PDE4D: variants seen among roughly 807,000 people sequenced by gnomAD.
PDE4D encodes the protein phosphodiesterase 4D.
In PDE4D, 24 loss-of-function variants were observed where a neutral mutation model predicts 87.4. The ratio of observed to expected loss-of-function variants is 0.27; its 90% CI spans 0.20 to 0.39. The LOEUF (loss-of-function observed/expected upper bound fraction) is 0.39, where lower values mean the gene tolerates loss of function less well. Among genes scored for constraint, PDE4D ranks in the 10% least tolerant of loss-of-function variants. The probability of loss-of-function intolerance (pLI) is 1.00; values close to 1 mark genes in which losing one functional copy is unlikely to be tolerated. For missense variants in PDE4D, 714 were observed against 1,041.0 expected (o/e 0.69, Z 4.32); for synonymous variants, 384 against 383.2 (o/e 1.00, Z -0.02).
At chr5:60,201,517 GAATTATTTACCT>G (rs1391762352) in intron 1 of PDE4D, among the ~76,000 whole-genome samples, 3 of 152,158 alleles carry the variant, frequency 2.0e-5, no homozygotes, top group African/African-American at 7.2e-5. Context: ...GTTCCGATCT[GAATTATTTACCT>G]AATTATTTAT....
At chr5:60,057,741 G>C (rs1196948780) in intron 2 of PDE4D, among the ~76,000 whole-genome samples, 2 of 151,910 alleles carry the variant, frequency 1.3e-5, no homozygotes, top group African/African-American at 2.4e-5. Flanking sequence ...TGTTAATGTA[G>C]AGTATATTGA....
chr5:59,313,772 A>T (rs1471103350), intron 1 of PDE4D, among the ~76,000 whole-genome samples: 1 of 152,178 alleles, frequency 6.6e-6, no homozygotes, highest in Non-Finnish European at 1.5e-5. Context: ...GTACCCACCC[A>T]GGTCCTTATT....
chr5:59,987,065 A>G (rs951166498), intron 3 of PDE4D: 4 of 152,188 alleles, frequency 2.6e-5, no homozygotes, highest in Admixed American at 2.6e-4. Flanking sequence ...TTGCTATAAC[A>G]CATCAGAGCC....
intron 1 of PDE4D, among the ~76,000 whole-genome samples, chr5:60,476,026 T>G (rs946420360): frequency 5.3e-5 from 8 of 152,120 alleles, no homozygotes; most frequent in Non-Finnish European, 5.9e-5. Flanking sequence ...AATAATCCTG[T>G]CAGCATGTTC....
rs186254668 is a variant in PDE4D, at chr5:59,820,323, G to A, written c.455+72845C>T. Among the ~76,000 whole-genome samples the A allele has an allele frequency of 5.9e-5, 9 of 152,324 alleles. No homozygotes were observed. The East Asian group carries it at 1.7e-3, about 29-fold the overall frequency. On this transcript the variant is annotated intron_variant, in intron 1 of 14. Coordinates refer to ENST00000340635, the MANE Select transcript of PDE4D (RefSeq NM_001104631.2). ...CTAAGGGCTACTCTGCAAGGTGCGT[G>A]AACACACTCTCCTCAGGCTATCCCC... is the stretch of plus-strand genomic sequence containing the variant.
chr5:59,349,222 C>G (rs1382727910), intron 1 of PDE4D, among the ~76,000 whole-genome samples: 1 of 152,242 alleles, frequency 6.6e-6, no homozygotes, highest in East Asian at 1.9e-4. Flanking sequence ...TCAGACACCT[C>G]TCTTCAGACC....
At chr5:59,775,316 A>T (rs1268883670) in intron 1 of PDE4D, among the ~76,000 whole-genome samples, 2 of 152,172 alleles carry the variant, frequency 1.3e-5, no homozygotes, top group Non-Finnish European at 2.9e-5. Flanking sequence ...CAAAAATCCC[A>T]TATCTCAATC....
intron 3 of PDE4D, among the ~76,000 whole-genome samples, chr5:59,943,132 T>C (rs1375663446): frequency 1.3e-5 from 2 of 152,040 alleles, no homozygotes; most frequent in African/African-American, 4.8e-5. Context: ...TCATGGAAAG[T>C]ATCTAGTTGA....
At chr5:59,983,580 A>G (rs1762130779) in intron 3 of PDE4D, among the ~76,000 whole-genome samples, 1 of 152,190 alleles carries the variant, frequency 6.6e-6, no homozygotes, top group Admixed American at 6.5e-5. Context: ...AAGATATCCA[A>G]ATGTTCAATA....
intron 3 of PDE4D, among the ~76,000 whole-genome samples, chr5:59,913,807 T>C (rs1753700615): frequency 6.6e-6 from 1 of 152,080 alleles, no homozygotes; most frequent in African/African-American, 2.4e-5. Context: ...AAACATGAAA[T>C]ATCAATGCTA....
intron 2 of PDE4D, chr5:59,215,447 C>T (rs1356834239): frequency 3.5e-6 from 1 of 284,310 alleles, no homozygotes; most frequent in Non-Finnish European, 6.6e-6. Context: ...GTAGCTAAAA[C>T]TCAGGCTCTA....
chr5:60,459,295 G>A (rs776475414), intron 1 of PDE4D, among the ~76,000 whole-genome samples: 1 of 152,112 alleles, frequency 6.6e-6, no homozygotes, highest in Non-Finnish European at 1.5e-5. Context: ...ACATGCCAAA[G>A]GAGAAGCCAT....
chr5:59,256,495 A>T (rs1760988503), intron 1 of PDE4D, among the ~76,000 whole-genome samples: 1 of 152,110 alleles, frequency 6.6e-6, no homozygotes, highest in African/African-American at 2.4e-5. Context: ...TAAGATAAAC[A>T]TCAACTACCA....
chr5:59,885,003 C>T (rs913154862), intron 1 of PDE4D, among the ~76,000 whole-genome samples: 1 of 151,724 alleles, frequency 6.6e-6, no homozygotes, highest in Non-Finnish European at 1.5e-5. Flanking sequence ...TTATCCAGTG[C>T]TCTTTATTAT....
intron 1 of PDE4D, among the ~76,000 whole-genome samples, chr5:59,589,873 T>C (rs1376467686): frequency 1.3e-5 from 2 of 152,316 alleles, no homozygotes; most frequent in East Asian, 3.8e-4. Flanking sequence ...TGAATTTTCG[T>C]TGGATTTTTA....
intron 2 of PDE4D, among the ~76,000 whole-genome samples, chr5:60,113,699 T>C (rs1227272476): frequency 6.6e-6 from 1 of 152,160 alleles, no homozygotes; most frequent in Non-Finnish European, 1.5e-5. Context: ...CATTCACTTC[T>C]GCCTAGCCAG....
At chr5:60,243,693 C>T (rs1747389601) in intron 1 of PDE4D, among the ~76,000 whole-genome samples, 1 of 151,920 alleles carries the variant, frequency 6.6e-6, no homozygotes. Context: ...ATCATATCAA[C>T]AGAATGAAGA....
At chr5:59,112,378 A>C in intron 5 of PDE4D, among the ~76,000 whole-genome samples, 1 of 152,314 alleles carries the variant, frequency 6.6e-6, no homozygotes, top group East Asian at 1.9e-4. Context: ...GAGCCATTGC[A>C]AGGTTATGAG....
intron 1 of PDE4D, among the ~76,000 whole-genome samples, chr5:60,290,259 C>G (rs1412595942): frequency 1.3e-5 from 2 of 151,720 alleles, no homozygotes; most frequent in African/African-American, 4.8e-5. Context: ...GCACAAAGCA[C>G]TAAAGGAGGA....
Sources: allele counts gnomAD v4.1 joint callset (sites outside exome capture counted in the v4.1 genomes callset), GRCh38; gene constraint gnomAD v4.1.1; transcripts MANE v1.5; gene names NCBI Gene and HGNC (gene_info 2026-07-23, HGNC 2026-07-21).